TTC3: variants seen among roughly 807,000 people sequenced by gnomAD.
The protein encoded by TTC3 is E3 ubiquitin-protein ligase TTC3.
TTC3 carries 180 observed loss-of-function variants against 249.6 expected under a neutral mutation model. That is an observed-to-expected ratio of 0.72 (90% CI 0.64 to 0.82). The LOEUF is 0.82. Among genes scored for constraint, TTC3 ranks in the 40% least tolerant of loss-of-function variants. The pLI is 0.00. For synonymous variants in TTC3, 717 were observed against 805.0 expected, an observed-to-expected ratio of 0.89 and a Z score of 1.85; for missense variants, 2,061 against 2,398.4, an observed-to-expected ratio of 0.86 and a Z score of 2.94.
chr21:37,075,569 T>C (rs1260726731), intron 1 of TTC3, among the ~76,000 whole-genome samples: 1 of 152,254 alleles, frequency 6.6e-6, no homozygotes, highest in Non-Finnish European at 1.5e-5. Flanking sequence ...GCTAACACTT[T>C]ATGTTATGAG....
intron 34 of TTC3, among the ~76,000 whole-genome samples, 155 bp from the exon 35 acceptor site, chr21:37,172,440 G>A (rs1046783726): frequency 3.9e-5 from 6 of 152,142 alleles, no homozygotes; most frequent in Non-Finnish European, 4.4e-5. Flanking sequence ...GCAGTGTTTA[G>A]GGGTTTTTAA....
exon 13 of TTC3, chr21:37,123,027 A>G: frequency 1.2e-6 from 2 of 1,614,048 alleles, no homozygotes; most frequent in Middle Eastern, 1.7e-4. Context: ...TTATGAAAAC[A>G]GGTAAGTTAA....
intron 10 of TTC3, chr21:37,098,102 C>T: frequency 3.6e-6 from 2 of 555,428 alleles, no homozygotes; most frequent in Non-Finnish European, 6.5e-6. Context: ...ACACAGTCTT[C>T]CATCAATACC....
chr21:37,146,758 A>G (rs73393130), intron 21 of TTC3, among the ~76,000 whole-genome samples: 1 of 152,090 alleles, frequency 6.6e-6, no homozygotes, highest in African/African-American at 2.4e-5. Flanking sequence ...AAATGTTCTA[A>G]ATTTAGACCG....
exon 26 of TTC3, chr21:37,152,023 C>G (rs1569068715): frequency 6.3e-7 from 1 of 1,584,558 alleles, no homozygotes; most frequent in Non-Finnish European, 8.5e-7. Context: ...AAATGAAGAG[C>G]AGAAAGGTAT....
exon 46 of TTC3, chr21:37,201,570 G>A: frequency 6.2e-7 from 1 of 1,613,474 alleles, no homozygotes; most frequent in East Asian, 2.2e-5. Flanking sequence ...TGCTCTTCTA[G>A]GTAGTCACAC....
At chr21:37,201,699 T>A in exon 46 of TTC3, 1 of 1,255,678 alleles carries the variant, frequency 8.0e-7, no homozygotes, top group African/African-American at 1.5e-5. Context: ...GCTAAATACA[T>A]GGAAATCGTT....
intron 35 of TTC3, among the ~76,000 whole-genome samples, chr21:37,180,066 G>T (rs180822825): frequency 1.1e-4 from 16 of 152,326 alleles, no homozygotes; most frequent in Middle Eastern, 3.4e-3. Context: ...TCTCTTAAGT[G>T]TCAGGCTCTG....
chr21:37,191,189 T>C (rs2084044944), intron 39 of TTC3, 145 bp from the exon 40 acceptor site: 1 of 506,408 alleles, frequency 2.0e-6, no homozygotes, highest in Admixed American at 4.2e-5. Context: ...GTTTACAAGA[T>C]AAGCAATTCC....
exon 5 of TTC3, chr21:37,088,835 A>G: frequency 6.2e-7 from 1 of 1,613,672 alleles, no homozygotes; most frequent in Non-Finnish European, 8.5e-7. Context: ...TGAAGAAACT[A>G]CAACATCTTG....
chr21:37,087,467 T>C, intron 2 of TTC3, 66 bp downstream of exon 2: 3 of 1,577,924 alleles, frequency 1.9e-6, no homozygotes, highest in South Asian at 2.3e-5. Context: ...TTTAGGGCTA[T>C]CTGAGTAAAG....
intron 35 of TTC3, among the ~76,000 whole-genome samples, chr21:37,177,876 GT>G (rs528360466): frequency 6.6e-6 from 1 of 152,054 alleles, no homozygotes; most frequent in African/African-American, 2.4e-5. Context: ...CAACTTAATG[GT>G]TTTGATATAT....
intron 30 of TTC3, among the ~76,000 whole-genome samples, chr21:37,161,126 G>A (rs1173250484): frequency 6.7e-6 from 1 of 149,832 alleles, no homozygotes; most frequent in Admixed American, 6.7e-5. Flanking sequence ...TTGTCATAAT[G>A]TCCCAAAAAA....
exon 8 of TTC3, chr21:37,094,017 T>A: frequency 1.2e-6 from 2 of 1,606,014 alleles, no homozygotes; most frequent in Non-Finnish European, 8.5e-7. Context: ...AAGTACCACA[T>A]AACTAAAATT....
At chr21:37,143,171 A>G (rs1161728383) in intron 20 of TTC3, among the ~76,000 whole-genome samples, 1 of 152,244 alleles carries the variant, frequency 6.6e-6, no homozygotes, top group East Asian at 1.9e-4. Flanking sequence ...ATTACCATTC[A>G]GGACATAGGC....
At chr21:37,193,553 A>G (rs2084467580) in intron 41 of TTC3, among the ~76,000 whole-genome samples, 2 of 152,324 alleles carry the variant, frequency 1.3e-5, no homozygotes, top group South Asian at 2.1e-4. Context: ...TTGGCTCTCA[A>G]TAGGATATTT....
chr21:37,148,017 G>A (rs138897891), intron 22 of TTC3, among the ~76,000 whole-genome samples: 1,557 of 152,178 alleles, frequency 0.01, 8 homozygotes, highest in Non-Finnish European at 0.016. Context: ...GAACCACCAC[G>A]CCCAGCCTTC....
intron 35 of TTC3, among the ~76,000 whole-genome samples, chr21:37,178,002 A>C (rs1009571736): frequency 6.6e-6 from 1 of 152,218 alleles, no homozygotes; most frequent in Non-Finnish European, 1.5e-5. Flanking sequence ...AGCCCTTGGC[A>C]ACCACTGATT....
At chr21:37,087,526 A>G in intron 2 of TTC3, 125 bp downstream of exon 2, 1 of 1,225,816 alleles carries the variant, frequency 8.2e-7, no homozygotes, top group Non-Finnish European at 1.1e-6. Context: ...CATGCTGTTG[A>G]AAAGTTGATT....
Sources: allele counts gnomAD v4.1 joint callset (sites outside exome capture counted in the v4.1 genomes callset), GRCh38; gene constraint gnomAD v4.1.1; transcripts MANE v1.5; gene names NCBI Gene and HGNC (gene_info 2026-07-23, HGNC 2026-07-21).